Variants in PRELID2 observed in about 807,000 individuals in gnomAD.
PRELID2 encodes PRELI domain-containing protein 2.
A neutral mutation model predicts 28.4 loss-of-function variants in PRELID2; 25 were observed. The observed-to-expected ratio is 0.88, with a 90% CI of 0.64 to 1.23. PRELID2 has a LOEUF of 1.23. PRELID2 is among the 50% of genes most tolerant of loss of function. PRELID2 has a pLI of 0.00. For missense variants in PRELID2, 201 were observed against 214.4 expected (o/e 0.94, Z 0.39); for synonymous variants, 76 against 71.6 (o/e 1.06, Z -0.31).
the PRELID2 span, among the ~76,000 whole-genome samples, chr5:145,304,473 A>T: frequency 6.6e-6 from 1 of 152,198 alleles, no homozygotes. Context: ...TAGGCAAGTT[A>T]AACACTTCAT....
chr5:145,458,477 G>A, the PRELID2 span, among the ~76,000 whole-genome samples: 1 of 152,044 alleles, frequency 6.6e-6, no homozygotes, highest in African/African-American at 2.4e-5. Flanking sequence ...AGTGGTTTTC[G>A]ACTGGGTGCA....
At chr5:145,437,469 C>CA in the PRELID2 span, among the ~76,000 whole-genome samples, 1 of 152,260 alleles carries the variant, frequency 6.6e-6, no homozygotes, top group African/African-American at 2.4e-5. Flanking sequence ...AGCCAGAAAG[C>CA]AATTAAATGT....
chr5:145,379,900 C>T, the PRELID2 span, among the ~76,000 whole-genome samples: 4 of 152,104 alleles, frequency 2.6e-5, no homozygotes, highest in Non-Finnish European at 5.9e-5. Context: ...CCAGGAGAGA[C>T]CAGCAGACCA....
At chr5:145,396,487 TAAAA>T in the PRELID2 span, among the ~76,000 whole-genome samples, 2 of 128,950 alleles carry the variant, frequency 1.6e-5, no homozygotes, top group Non-Finnish European at 3.4e-5. Context: ...TCACAGATTG[TAAAA>T]AAAAAAAAAA....
the PRELID2 span, among the ~76,000 whole-genome samples, chr5:145,422,230 C>A: frequency 6.7e-6 from 1 of 149,918 alleles, no homozygotes; most frequent in Non-Finnish European, 1.5e-5. Context: ...GTGGAGAGCT[C>A]TGTAGATGTC....
chr5:145,462,147 GT>G, the PRELID2 span, among the ~76,000 whole-genome samples: 1 of 152,162 alleles, frequency 6.6e-6, no homozygotes, highest in African/African-American at 2.4e-5. Context: ...GCAGCTGATA[GT>G]ACGTAAGCAT....
At chr5:145,431,191 CT>C in the PRELID2 span, among the ~76,000 whole-genome samples, 3 of 151,560 alleles carry the variant, frequency 2.0e-5, no homozygotes, top group Non-Finnish European at 2.9e-5. Flanking sequence ...GGTAAAATTT[CT>C]TTTTTATCCA....
chr5:145,469,345 T>C (rs1580948754), downstream of PRELID2, among the ~76,000 whole-genome samples: 1 of 152,220 alleles, frequency 6.6e-6, no homozygotes, highest in Non-Finnish European at 1.5e-5. Context: ...TGCAACAATT[T>C]GAGGCGTGTC....
At chr5:145,809,891 G>T (rs1243558156) in intron 4 of PRELID2, among the ~76,000 whole-genome samples, 1 of 152,160 alleles carries the variant, frequency 6.6e-6, no homozygotes, top group Non-Finnish European at 1.5e-5. Flanking sequence ...CTCGGATAAA[G>T]CAAATGTCAA....
intron 4 of PRELID2, among the ~76,000 whole-genome samples, chr5:145,797,100 A>G (rs1256867746): frequency 1.3e-5 from 2 of 152,178 alleles, no homozygotes; most frequent in Non-Finnish European, 2.9e-5. Context: ...CATCTCTACC[A>G]ATTTTCATTA....
chr5:145,667,271 A>G (rs1469080383), intron 1 of PRELID2, among the ~76,000 whole-genome samples: 1 of 152,032 alleles, frequency 6.6e-6, no homozygotes, highest in Non-Finnish European at 1.5e-5. Flanking sequence ...TTGATATAGT[A>G]GGAAACACAC....
intron 1 of PRELID2, among the ~76,000 whole-genome samples, chr5:145,581,616 T>G (rs1318082759): frequency 6.6e-6 from 1 of 152,070 alleles, no homozygotes. Flanking sequence ...TCCATCCATG[T>G]GAACATTTAG....
At position 145,620,571 on chromosome 5, in the gene PRELID2, A is replaced by T. The variant is rs111409494; in HGVS notation, n.70+144360T>A. Among the ~76,000 whole-genome samples the T allele has an allele frequency of 9.5e-3, 1,452 of 152,274 alleles. 20 individuals carry two copies. Among genetic ancestry groups the T allele is most frequent in the African/African-American group, 0.032 (1,333 of 41,534 alleles). On this transcript the variant is annotated intron_variant and non_coding_transcript_variant, in intron 1 of 2. Transcript: ENST00000510259. The stretch of plus-strand genomic sequence containing the variant: ...AATATAAAACTTCTCTAAAAAATAA[A>T]TTTTTTTTAAAAAGTCCAGGTGTAG...
intron 1 of PRELID2, among the ~76,000 whole-genome samples, chr5:145,744,252 C>A (rs1056558900): frequency 2.0e-5 from 3 of 152,252 alleles, no homozygotes; most frequent in Non-Finnish European, 2.9e-5. Flanking sequence ...CTCCTGCAGA[C>A]CAGCAGACTT....
At chr5:145,594,973 C>T (rs1417174998) in intron 1 of PRELID2, among the ~76,000 whole-genome samples, 2 of 151,818 alleles carry the variant, frequency 1.3e-5, no homozygotes, top group Non-Finnish European at 2.9e-5. Flanking sequence ...ACTAAAAATA[C>T]AAAAATTAGC....
At position 145,608,076 on chromosome 5, in the gene PRELID2, CT is replaced by C. The variant is rs1438844888; in HGVS notation, n.71-134762del. Among the ~76,000 whole-genome samples the C allele has an allele frequency of 2.0e-5, 3 of 150,954 alleles. No individual in the cohort carries two copies. In the East Asian group the frequency reaches 5.8e-4, roughly 29 times the overall value. ...TTTTCTGAAATTAAAATAGTAAACC[CT>C]GCTTTGTTCTGTTTCCCAATTGCTT... On this transcript the variant is annotated intron_variant and non_coding_transcript_variant, in intron 1 of 2. Transcript: ENST00000510259.
chr5:145,524,672 A>G (rs1417353054), intron 1 of PRELID2, among the ~76,000 whole-genome samples: 3 of 152,192 alleles, frequency 2.0e-5, no homozygotes, highest in African/African-American at 7.2e-5. Context: ...ATTCAATGCA[A>G]TGGAAAGTGC....
At chr5:145,242,534 T>A in the PRELID2 span, among the ~76,000 whole-genome samples, 1 of 152,024 alleles carries the variant, frequency 6.6e-6, no homozygotes, top group African/African-American at 2.4e-5. Flanking sequence ...ATCCAAGTAA[T>A]CCTCCACTAA....
At chr5:145,525,894 C>G (rs758430193) in intron 1 of PRELID2, among the ~76,000 whole-genome samples, 47 of 152,306 alleles carry the variant, frequency 3.1e-4, no homozygotes, top group Non-Finnish European at 1.9e-4. Context: ...AAAAAGCAGA[C>G]TCTGCAGCAA....
Sources: allele counts gnomAD v4.1 joint callset (sites outside exome capture counted in the v4.1 genomes callset), GRCh38; gene constraint gnomAD v4.1.1; transcripts MANE v1.5; gene names NCBI Gene and HGNC (gene_info 2026-07-23, HGNC 2026-07-21).